ENTREP2: variants seen among roughly 807,000 people sequenced by gnomAD.
The protein encoded by ENTREP2 is endosomal transmembrane epsin interactor 2.
At chr15:29,318,950 C>G in the ENTREP2 span, among the ~76,000 whole-genome samples, 1 of 152,088 alleles carries the variant, frequency 6.6e-6, no homozygotes, top group South Asian at 2.1e-4. Flanking sequence ...AAACTGTTAC[C>G]AAAGAGAAGC....
the ENTREP2 span, among the ~76,000 whole-genome samples, chr15:29,668,214 G>C: frequency 6.6e-6 from 1 of 152,164 alleles, no homozygotes; most frequent in Non-Finnish European, 1.5e-5. Flanking sequence ...CCAACAGGCC[G>C]CTCGGGCCTC....
chr15:29,516,371 A>G, the ENTREP2 span, among the ~76,000 whole-genome samples: 1 of 152,224 alleles, frequency 6.6e-6, no homozygotes, highest in Non-Finnish European at 1.5e-5. Flanking sequence ...ATTAAAATAA[A>G]TGCATGGATC....
chr15:29,580,602 A>G, the ENTREP2 span, among the ~76,000 whole-genome samples: 1 of 152,212 alleles, frequency 6.6e-6, no homozygotes. Context: ...AAGTTATATT[A>G]GAACCTCAAA....
chr15:29,260,676 G>C, the ENTREP2 span, among the ~76,000 whole-genome samples: 5 of 152,182 alleles, frequency 3.3e-5, no homozygotes, highest in African/African-American at 4.8e-5. Flanking sequence ...ATACAAAGTA[G>C]TTGAACTGGG....
the ENTREP2 span, among the ~76,000 whole-genome samples, chr15:29,326,548 C>T: frequency 6.6e-6 from 1 of 152,036 alleles, no homozygotes; most frequent in South Asian, 2.1e-4. Flanking sequence ...CTAGAAAACT[C>T]AAATGAAAGA....
the ENTREP2 span, among the ~76,000 whole-genome samples, chr15:29,626,213 G>C: frequency 1.7e-4 from 26 of 152,112 alleles, no homozygotes; most frequent in Non-Finnish European, 3.5e-4. Flanking sequence ...TTAGCTCTAG[G>C]AGTTTTCCTA....
the ENTREP2 span, among the ~76,000 whole-genome samples, chr15:29,437,111 C>T: frequency 5.3e-5 from 8 of 152,354 alleles, no homozygotes; most frequent in East Asian, 7.7e-4. Context: ...CTGTCCCTGA[C>T]TTTTCCTATC....
the ENTREP2 span, among the ~76,000 whole-genome samples, chr15:29,219,614 A>AATATATATATATATAT: frequency 4.2e-4 from 16 of 38,386 alleles, no homozygotes; most frequent in Non-Finnish European, 6.3e-4. Flanking sequence ...GTGGTGCATA[A>AATATATATATATATAT]ATATATATAT....
the ENTREP2 span, chr15:29,235,129 C>CA: frequency 3.0e-6 from 3 of 985,248 alleles, no homozygotes; most frequent in Non-Finnish European, 4.9e-6. Flanking sequence ...AGGAGCCACC[C>CA]CGAGACATGG....
chr15:29,506,448 CAT>C, the ENTREP2 span, among the ~76,000 whole-genome samples: 2 of 152,090 alleles, frequency 1.3e-5, no homozygotes, highest in Non-Finnish European at 2.9e-5. Context: ...CCCCAAGACA[CAT>C]AATCATCAGA....
the ENTREP2 span, among the ~76,000 whole-genome samples, chr15:29,406,656 T>C: frequency 6.6e-6 from 1 of 152,346 alleles, no homozygotes. Context: ...GAAGTCAAAA[T>C]TGTTCTGTAG....
At chr15:29,474,665 G>A in the ENTREP2 span, among the ~76,000 whole-genome samples, 83 of 151,946 alleles carry the variant, frequency 5.5e-4, no homozygotes, top group East Asian at 1.9e-3. Context: ...AGTGATTCTC[G>A]TGCCTCAGCC....
the ENTREP2 span, among the ~76,000 whole-genome samples, chr15:29,657,476 G>GC: frequency 2.9e-4 from 27 of 93,234 alleles, no homozygotes; most frequent in Non-Finnish European, 4.3e-4. Flanking sequence ...GCTGTCGGCT[G>GC]GGGGGGCGGG....
chr15:29,271,988 G>A, the ENTREP2 span, among the ~76,000 whole-genome samples: 2 of 152,052 alleles, frequency 1.3e-5, no homozygotes, highest in South Asian at 4.2e-4. Context: ...ATTCATGTAC[G>A]TTACCAAGCA....
At chr15:29,171,376 A>G in the ENTREP2 span, among the ~76,000 whole-genome samples, 65 of 152,260 alleles carry the variant, frequency 4.3e-4, 1 homozygote, top group East Asian at 0.012. Flanking sequence ...ACTCATAAAC[A>G]ACACCTGTGA....
chr15:29,480,823 T>C, the ENTREP2 span, among the ~76,000 whole-genome samples: 11 of 151,906 alleles, frequency 7.2e-5, no homozygotes. Flanking sequence ...ACGGCTGCAG[T>C]TGGGGGGTGA....
At chr15:29,644,303 G>C in the ENTREP2 span, among the ~76,000 whole-genome samples, 1 of 152,322 alleles carries the variant, frequency 6.6e-6, no homozygotes, top group South Asian at 2.1e-4. Context: ...AAGGGGTGCA[G>C]AGTTCCTCTT....
At chr15:29,118,700 C>T in the ENTREP2 span, among the ~76,000 whole-genome samples, 2 of 152,164 alleles carry the variant, frequency 1.3e-5, no homozygotes, top group South Asian at 2.1e-4. Context: ...GGTGTGCATG[C>T]GTGTGCGTGT....
chr15:29,434,664 A>T, the ENTREP2 span, among the ~76,000 whole-genome samples: 1 of 152,212 alleles, frequency 6.6e-6, no homozygotes, highest in Non-Finnish European at 1.5e-5. Flanking sequence ...CATAGAGCAC[A>T]CATGAATAAC....
Sources: gnomAD v4.1 joint callset for allele counts (sites outside exome capture counted in the v4.1 genomes callset) on GRCh38, gnomAD v4.1.1 for gene constraint, MANE v1.5 for transcripts, NCBI Gene and HGNC (gene_info 2026-07-23, HGNC 2026-07-21) for gene names.